The following FAHD2A variants were observed in gnomAD, a reference collection of about 807,000 sequenced individuals.
FAHD2A encodes fumarylacetoacetate hydrolase domain containing 2A, also known as oxaloacetate tautomerase FAHD2A, mitochondrial.
FAHD2A carries 27 observed loss-of-function variants against 33.4 expected under a neutral mutation model. The observed-to-expected ratio is 0.81, with a 90% CI of 0.60 to 1.11. The LOEUF is 1.11. Ranked by LOEUF, FAHD2A falls within the 50% of genes most tolerant of loss-of-function variation. The probability of loss-of-function intolerance (pLI) is 0.00; values close to 1 mark genes in which losing one functional copy is unlikely to be tolerated. For synonymous variants in FAHD2A, 130 were observed against 153.3 expected, an observed-to-expected ratio of 0.85 and a Z score of 1.12; for missense variants, 296 against 395.0, an observed-to-expected ratio of 0.75 and a Z score of 2.12.
Position 95,413,037 on chromosome 2 carries a change from G to C in FAHD2A, c.*80G>C. 1 of 1,518,918 alleles carries C rather than the reference G, an allele frequency of 6.6e-7. No homozygotes were observed. The allele number at this position is 1,518,918 out of a possible 1,614,324, so 94.1% of individuals were successfully genotyped here. On this transcript the variant is annotated 3_prime_UTR_variant, in exon 8 of 8. Transcript: ENST00000233379. ...TAGCCCAGGGAAAGGCCCAGTGACA[G>C]GTGTGGACAGGTGCCAGCCCTGCAA...
chr2:95,410,784 A>G (rs1322469667), intron 4 of FAHD2A, 80 bp from the exon 5 acceptor site: 1 of 1,587,284 alleles, frequency 6.3e-7, no homozygotes, highest in Non-Finnish European at 8.6e-7. Context: ...ATGGGATAAC[A>G]GCTTAGAGAT....
intron 3 of FAHD2A, among the ~76,000 whole-genome samples, chr2:95,409,957 C>T (rs1301827277): frequency 2.0e-5 from 3 of 152,178 alleles, no homozygotes; most frequent in African/African-American, 4.8e-5. Context: ...ATCTGGATGT[C>T]GGGTGTACTT....
rs753685521 is a variant in FAHD2A, at chr2:95,410,577, G to A, written c.513G>A (p.Lys171=). The A allele has an allele frequency of 1.3e-5, 21 of 1,613,292 alleles. No individual in the cohort carries two copies. Among genetic ancestry groups the A allele is most frequent in the Non-Finnish European group, 1.7e-5 (20 of 1,179,718 alleles). The change falls in exon 4 of 8, where the codon AAG becomes AAA. Residue 171 remains lysine (K), a synonymous_variant. Coordinates refer to ENST00000233379, the MANE Select transcript of FAHD2A (RefSeq NM_016044.3). ...CCGTGGTCATTGGAAAGAAAGGCAA[G>A]CACATCAAGGTGAGGTGGAAAGGGT... ...ELAVVIGKKG[K]HIKATDAMAH...
intron 3 of FAHD2A, chr2:95,407,438 T>C (rs1046588249): frequency 4.0e-6 from 2 of 504,808 alleles, no homozygotes; most frequent in African/African-American, 3.8e-5. Flanking sequence ...GCTCGGAATA[T>C]TAATGTTTTT....
intron 3 of FAHD2A, among the ~76,000 whole-genome samples, chr2:95,409,962 G>A (rs1682206258): frequency 6.6e-6 from 1 of 152,158 alleles, no homozygotes; most frequent in Non-Finnish European, 1.5e-5. Flanking sequence ...GATGTCGGGT[G>A]TACTTACACC....
rs753482077 is a variant in FAHD2A, at chr2:95,406,953, C to T, written c.258C>T (p.Ala86=). The part of the protein sequence containing the change: ...TLSVARRALA[A]QLPVLPRSEV... ...CTGGTCTCTACAGAGCCCTGGCTGC[C>T]CAGTTGCCAGTCCTACCACGGTCGG... is the stretch of plus-strand genomic sequence containing the variant. The change falls in exon 3 of 8, where the codon GCC becomes GCT. Residue 86 remains alanine (A), a synonymous_variant. Coordinates refer to ENST00000233379, the MANE Select transcript of FAHD2A (RefSeq NM_016044.3). 1.9e-6 allele frequency: 3 copies of T among 1,613,312 alleles called. No homozygotes were observed. Among genetic ancestry groups the T allele is most frequent in the Admixed American group, 3.3e-5 (2 of 59,912 alleles).
chr2:95,417,812 G>A (rs1184821685), downstream of FAHD2A, among the ~76,000 whole-genome samples: 1 of 152,044 alleles, frequency 6.6e-6, no homozygotes, highest in Admixed American at 6.5e-5. Flanking sequence ...TATCTTATAA[G>A]GGCACTAATC....
chr2:95,417,774 A>C (rs1331660770), downstream of FAHD2A, among the ~76,000 whole-genome samples: 1 of 152,060 alleles, frequency 6.6e-6, no homozygotes, highest in African/African-American at 2.4e-5. Flanking sequence ...AAGAATGAGA[A>C]TGAGAGGAAG....
intron 5 of FAHD2A, among the ~76,000 whole-genome samples, chr2:95,411,336 G>A (rs529719554): frequency 5.1e-4 from 77 of 152,358 alleles, no homozygotes; most frequent in African/African-American, 1.7e-3. Flanking sequence ...TCTAAGTTGA[G>A]CATCATGGAG....
rs559533700 is a variant in FAHD2A, at chr2:95,415,592, G to A, written c.*2635G>A. ...GAGCTGTTTATCTTCTGCCTGTCAGGCAGGCGGCAACACTCTCCATGTATC... is the reference window on the plus strand; with the variant it reads ...GAGCTGTTTATCTTCTGCCTGTCAGACAGGCGGCAACACTCTCCATGTATC... On this transcript the variant is annotated 3_prime_UTR_variant, in exon 8 of 8. Transcript: ENST00000233379. 1.2e-4 allele frequency: 19 copies of A among 152,714 alleles called. No individual in the cohort carries two copies. Among genetic ancestry groups the A allele is most frequent in the Non-Finnish European group, 2.4e-4 (16 of 68,022 alleles). 9.5% of individuals were successfully genotyped at this position (152,714 alleles called of 1,614,324 possible). A position where few individuals can be genotyped will look rare whatever the true frequency, so the allele number is the denominator to read the frequency against.
chr2:95,419,012 G>A (rs1683278070), downstream of FAHD2A, among the ~76,000 whole-genome samples: 1 of 152,050 alleles, frequency 6.6e-6, no homozygotes, highest in Non-Finnish European at 1.5e-5. Flanking sequence ...AGATGGAGAT[G>A]GAGGCTGAAG....
intron 3 of FAHD2A, among the ~76,000 whole-genome samples, chr2:95,407,751 G>A (rs548551124): frequency 6.9e-4 from 105 of 152,238 alleles, no homozygotes; most frequent in Non-Finnish European, 1.1e-3. Context: ...ATATGTCAGC[G>A]TATAGGCAGT....
chr2:95,413,790 C>T lies in FAHD2A; in HGVS notation c.*833C>T, dbSNP rs901021201. 60 of 706,004 alleles carry T rather than the reference C, an allele frequency of 8.5e-5. 1 individual carries two copies. The highest frequency in any genetic ancestry group is 4.1e-4 in the Middle Eastern group (1 of 2,446). The allele number at this position is 706,004 out of a possible 1,614,324, so 43.7% of individuals were successfully genotyped here. On this transcript the variant is annotated 3_prime_UTR_variant, in exon 8 of 8. Coordinates refer to ENST00000233379, the MANE Select transcript of FAHD2A (RefSeq NM_016044.3). ...AGGCAGGAAACCATCCCACCTTCTC[C>T]AACCCATCACCACGTCTATTGCTGG...
intron 1 of FAHD2A, among the ~76,000 whole-genome samples, chr2:95,403,796 A>G (rs2104337242): frequency 6.6e-6 from 1 of 152,386 alleles, no homozygotes; most frequent in South Asian, 2.1e-4. Context: ...TGAGGCTAAC[A>G]GTACCTACCT....
intron 1 of FAHD2A, chr2:95,405,241 T>C: frequency 3.2e-6 from 1 of 311,060 alleles, no homozygotes; most frequent in Non-Finnish European, 6.0e-6. Context: ...ATGGCAGGGC[T>C]GAGTTTCACC....
chr2:95,403,487 C>T (rs1681049991), intron 1 of FAHD2A, among the ~76,000 whole-genome samples: 1 of 152,194 alleles, frequency 6.6e-6, no homozygotes, highest in South Asian at 2.1e-4. Context: ...CAGTTACGGC[C>T]TCTGGAGGAT....
In FAHD2A at chr2:95,410,952, A is replaced by G; in HGVS notation, c.611A>G (p.Gln204Arg). 6.2e-7 allele frequency: 1 copy of G among 1,613,974 alleles called. No homozygotes were observed. Among genetic ancestry groups the G allele is most frequent in the Non-Finnish European group, 8.5e-7 (1 of 1,179,856 alleles). ...RDWQMRRNGKQWLLGKTFDTF... is the reference protein window; with the variant it reads ...RDWQMRRNGKRWLLGKTFDTF... ...TGGCAAATGAGACGTAATGGGAAACAATGGCTGCTGGGAAAAACCTTCGAC... is the reference window on the plus strand; with the variant it reads ...TGGCAAATGAGACGTAATGGGAAACGATGGCTGCTGGGAAAAACCTTCGAC... Residue 204 changes from glutamine to arginine, a missense_variant, in exon 5 of 8, where the codon CAA becomes CGA. By Grantham distance (43) the Gln-to-Arg change is conservative. Coordinates refer to ENST00000233379, the MANE Select transcript of FAHD2A (RefSeq NM_016044.3).
intron 5 of FAHD2A, among the ~76,000 whole-genome samples, chr2:95,411,826 C>T (rs1298098639): frequency 1.3e-5 from 2 of 152,186 alleles, no homozygotes; most frequent in Admixed American, 1.3e-4. Context: ...TACTGTGTCA[C>T]CCAGGCTGGA....
At position 95,413,840 on chromosome 2, in the gene FAHD2A, C is replaced by G. The variant is rs535995211; in HGVS notation, c.*883C>G. 5.3e-6 allele frequency: 4 copies of G among 755,530 alleles called. No homozygotes were observed. The Admixed American group carries it at 8.5e-5, about 16-fold the overall frequency. 46.8% of individuals were successfully genotyped at this position (755,530 alleles called of 1,614,324 possible). A position where few individuals can be genotyped will look rare whatever the true frequency, so the allele number is the denominator to read the frequency against. ...GAAGACACCAAGTAAATCCCAGGGT[C>G]TTAATGAGGCACCATCAGGCCAGCC... On this transcript the variant is annotated 3_prime_UTR_variant, in exon 8 of 8. Transcript: ENST00000233379.
Sources: allele counts gnomAD v4.1 joint callset (sites outside exome capture counted in the v4.1 genomes callset), GRCh38; gene constraint gnomAD v4.1.1; transcripts MANE v1.5; gene names NCBI Gene and HGNC (gene_info 2026-07-23, HGNC 2026-07-21).